Variants in EEPD1 observed in about 807,000 individuals in gnomAD.
EEPD1 encodes the protein endonuclease/exonuclease/phosphatase family domain-containing protein 1.
Under a neutral mutation model 46.3 loss-of-function variants are expected in EEPD1, and 17 were observed. The ratio of observed to expected loss-of-function variants is 0.37; its 90% CI spans 0.25 to 0.55. The LOEUF (loss-of-function observed/expected upper bound fraction) is 0.55, where lower values mean the gene tolerates loss of function less well. Ranked by LOEUF, EEPD1 falls within the 20% of genes least tolerant of loss-of-function variation. EEPD1 has a pLI of 0.83. For synonymous variants in EEPD1, 313 were observed against 315.6 expected (o/e 0.99, Z 0.09); for missense variants, 673 against 745.6 (o/e 0.90, Z 1.13).
chr7:36,216,645 T>C (rs999607145), intron 2 of EEPD1, among the ~76,000 whole-genome samples: 7 of 152,232 alleles, frequency 4.6e-5, no homozygotes, highest in African/African-American at 1.4e-4. Flanking sequence ...AAATGTGAAA[T>C]GGCCTTGATG....
chr7:36,240,489 G>A (rs137889262), intron 3 of EEPD1, among the ~76,000 whole-genome samples: 4 of 152,214 alleles, frequency 2.6e-5, no homozygotes, highest in Admixed American at 2.0e-4. Context: ...ATGAGTTAAT[G>A]TAGCAAAAGG....
chr7:36,202,552 G>T (rs116906666), intron 2 of EEPD1, among the ~76,000 whole-genome samples: 1 of 152,152 alleles, frequency 6.6e-6, no homozygotes. Context: ...CACAGGAAAT[G>T]AACTGTACAG....
chr7:36,261,740 C>T (rs544640720), intron 3 of EEPD1, among the ~76,000 whole-genome samples: 1 of 152,306 alleles, frequency 6.6e-6, no homozygotes, highest in East Asian at 1.9e-4. Context: ...GTTTTTGCTA[C>T]ATTGCTAAAC....
chr7:36,242,042 G>A (rs1338335318), intron 3 of EEPD1, among the ~76,000 whole-genome samples: 2 of 152,198 alleles, frequency 1.3e-5, no homozygotes, highest in African/African-American at 2.4e-5. Context: ...CCCTGAGGAT[G>A]TGATTTTGAT....
intron 3 of EEPD1, among the ~76,000 whole-genome samples, chr7:36,252,897 C>G (rs1278527496): frequency 8.8e-6 from 1 of 113,476 alleles, no homozygotes; most frequent in Non-Finnish European, 1.7e-5. Flanking sequence ...TTTTGCTAAA[C>G]TTCTCAAAGA....
At chr7:36,219,804 A>AGTGTGTGTGTGTGTGTGTGT (rs770071168) in intron 2 of EEPD1, among the ~76,000 whole-genome samples, 10 of 87,660 alleles carry the variant, frequency 1.1e-4, no homozygotes, top group South Asian at 4.6e-4. Flanking sequence ...AGAGAGAGAG[A>AGTGTGTGTGTGTGTGTGTGT]GAGTGTGTGT....
intron 2 of EEPD1, among the ~76,000 whole-genome samples, chr7:36,236,930 C>T (rs1219962623): frequency 1.3e-5 from 2 of 152,192 alleles, no homozygotes; most frequent in Non-Finnish European, 2.9e-5. Context: ...AGGGGCAACC[C>T]GCTCGCCTAC....
intron 3 of EEPD1, among the ~76,000 whole-genome samples, chr7:36,251,400 T>A (rs1786737257): frequency 6.6e-6 from 1 of 152,148 alleles, no homozygotes; most frequent in Non-Finnish European, 1.5e-5. Flanking sequence ...AACCTCCGCC[T>A]CCCGGGTTCA....
chr7:36,234,883 G>C (rs1052891983), intron 2 of EEPD1, among the ~76,000 whole-genome samples: 5 of 151,654 alleles, frequency 3.3e-5, no homozygotes, highest in African/African-American at 1.2e-4. Context: ...TGCTTTTACT[G>C]TGTGCTGAGT....
intron 2 of EEPD1, among the ~76,000 whole-genome samples, chr7:36,223,800 A>G (rs935984641): frequency 1.3e-5 from 2 of 152,244 alleles, no homozygotes; most frequent in African/African-American, 2.4e-5. Context: ...TCATACAGTC[A>G]GTCCTTGAAT....
At chr7:36,177,045 C>T (rs1452968892) in intron 2 of EEPD1, among the ~76,000 whole-genome samples, 2 of 152,280 alleles carry the variant, frequency 1.3e-5, no homozygotes, top group Admixed American at 1.3e-4. Context: ...TGACTGCACT[C>T]TGGCACAAGG....
Position 36,203,900 on chromosome 7 carries a change from A to C in EEPD1, c.879-35085A>C, listed in dbSNP as rs865886262. ...CTTCCAGTCTCTAGCTCCGGTGCTC[A>C]TGAATAAATGTTTATTTGTACAGAA... On this transcript the variant is annotated intron_variant, in intron 2 of 7. Coordinates refer to ENST00000242108, the MANE Select transcript of EEPD1 (RefSeq NM_030636.3). Among the ~76,000 whole-genome samples the C allele has an allele frequency of 3.3e-5, 5 of 152,170 alleles. No individual in the cohort carries two copies. The South Asian group carries it at 1.0e-3, about 32-fold the overall frequency.
chr7:36,291,724 C>T (rs537411026), intron 6 of EEPD1, among the ~76,000 whole-genome samples: 1 of 152,292 alleles, frequency 6.6e-6, no homozygotes, highest in South Asian at 2.1e-4. Flanking sequence ...GAAGCACACC[C>T]GTGGCCAGGA....
intron 2 of EEPD1, among the ~76,000 whole-genome samples, chr7:36,226,170 G>A (rs1322057378): frequency 6.6e-6 from 1 of 152,202 alleles, no homozygotes; most frequent in Non-Finnish European, 1.5e-5. Context: ...AAAGAGGGAA[G>A]GGGAGATAAG....
intron 2 of EEPD1, among the ~76,000 whole-genome samples, chr7:36,183,134 T>C (rs988359961): frequency 6.6e-6 from 1 of 152,196 alleles, no homozygotes; most frequent in Non-Finnish European, 1.5e-5. Flanking sequence ...CCAACTGTTC[T>C]AACTGTTCAC....
intron 6 of EEPD1, among the ~76,000 whole-genome samples, chr7:36,290,294 G>T (rs2115889913): frequency 6.6e-6 from 1 of 152,220 alleles, no homozygotes; most frequent in East Asian, 1.9e-4. Flanking sequence ...GTTCCAAATT[G>T]CCAAGGTACT....
At chr7:36,205,754 T>G (rs1785802041) in intron 2 of EEPD1, among the ~76,000 whole-genome samples, 1 of 151,488 alleles carries the variant, frequency 6.6e-6, no homozygotes. Flanking sequence ...AGGTGGGGAG[T>G]GAGTAGCAAG....
intron 3 of EEPD1, among the ~76,000 whole-genome samples, chr7:36,242,858 G>A (rs1786576909): frequency 1.3e-5 from 2 of 151,860 alleles, no homozygotes; most frequent in Admixed American, 1.3e-4. Flanking sequence ...AAACCCGGGA[G>A]GTGGAGGTTG....
intron 3 of EEPD1, among the ~76,000 whole-genome samples, chr7:36,257,277 G>A (rs1786841553): frequency 6.6e-6 from 1 of 151,872 alleles, no homozygotes; most frequent in Non-Finnish European, 1.5e-5. Context: ...TTCAGCATTA[G>A]TGAATCTGAT....
Sources: allele counts gnomAD v4.1 joint callset (sites outside exome capture counted in the v4.1 genomes callset), GRCh38; gene constraint gnomAD v4.1.1; transcripts MANE v1.5; gene names NCBI Gene and HGNC (gene_info 2026-07-23, HGNC 2026-07-21).